Variants in EIF4E observed in about 807,000 individuals in gnomAD.
The protein encoded by EIF4E is eukaryotic translation initiation factor 4E.
For missense variants in EIF4E, 113 were observed against 265.6 expected (o/e 0.43, Z 3.99); for synonymous variants, 71 against 88.5 (o/e 0.80, Z 1.11).
intron 1 of EIF4E, among the ~76,000 whole-genome samples, chr4:98,905,727 C>T (rs151201269): frequency 2.3e-3 from 350 of 152,208 alleles, no homozygotes; most frequent in African/African-American, 7.7e-3. Context: ...TAAAAATGTT[C>T]AGTATTGTAA....
intron 1 of EIF4E, among the ~76,000 whole-genome samples, chr4:98,914,391 A>C (rs1725285438): frequency 4.7e-5 from 6 of 127,002 alleles, no homozygotes; most frequent in South Asian, 2.5e-4. Flanking sequence ...AAAAAAAAGC[A>C]CTTTTTTTTT....
rs1328731108 is a variant in EIF4E at position 98,880,814 on chromosome 4, T to A, written c.*214A>T. ...GGGATGTGTACTGTAATTCTTTGAT[T>A]GGGATAGTGGAAACTCTAGCCAAAA... On this transcript the variant is annotated 3_prime_UTR_variant, in exon 7 of 7. Transcript: ENST00000450253. The A allele has an allele frequency of 3.6e-6, 3 of 833,594 alleles. No homozygotes were observed. The highest frequency in any genetic ancestry group is 3.4e-6 in the Non-Finnish European group (2 of 591,396). The allele number at this position is 833,594 out of a possible 1,614,324, so 51.6% of individuals were successfully genotyped here.
intron 1 of EIF4E, chr4:98,909,521 C>A: frequency 1.7e-6 from 1 of 600,996 alleles, no homozygotes; most frequent in South Asian, 2.3e-5. Flanking sequence ...CAAAAAACAC[C>A]CTGTACATAA....
chr4:98,896,486 C>CAA (rs59729154), intron 2 of EIF4E, among the ~76,000 whole-genome samples: 2,954 of 38,472 alleles, frequency 0.077, 230 homozygotes, highest in Non-Finnish European at 0.096. Context: ...CCGCATCTCT[C>CAA]AAAAAAAAAA....
intron 2 of EIF4E, among the ~76,000 whole-genome samples, chr4:98,897,571 C>CA (rs972916586): frequency 6.7e-6 from 1 of 149,004 alleles, no homozygotes; most frequent in African/African-American, 2.5e-5. Context: ...GTCTTGAGAA[C>CA]AAAAAAAAAG....
At chr4:98,928,233 G>C (rs931597471) in intron 1 of EIF4E, among the ~76,000 whole-genome samples, 1 of 152,026 alleles carries the variant, frequency 6.6e-6, no homozygotes, top group Admixed American at 6.6e-5. Context: ...CAGCAGGTCC[G>C]GCCGGCAAGC....
intron 1 of EIF4E, among the ~76,000 whole-genome samples, chr4:98,903,840 A>T (rs1290555631): frequency 6.6e-6 from 1 of 152,212 alleles, no homozygotes; most frequent in African/African-American, 2.4e-5. Context: ...ATTTTTATCA[A>T]CATTTACTTA....
intron 1 of EIF4E, among the ~76,000 whole-genome samples, chr4:98,920,104 T>C (rs1725579750): frequency 4.6e-5 from 7 of 152,078 alleles, no homozygotes; most frequent in Admixed American, 4.6e-4. Context: ...AAATTGTAAT[T>C]GGGCAATTTG....
intron 1 of EIF4E, among the ~76,000 whole-genome samples, chr4:98,908,806 C>T (rs1724989193): frequency 6.6e-6 from 1 of 152,212 alleles, no homozygotes. Context: ...ATTCTCTCCA[C>T]TCTTCAGACA....
chr4:98,884,776 C>A, intron 6 of EIF4E, 146 bp downstream of exon 6: 1 of 1,027,380 alleles, frequency 9.7e-7, no homozygotes, highest in Non-Finnish European at 1.4e-6. Context: ...CCAATTGAGC[C>A]GTTCAAAATT....
At chr4:98,896,163 T>C (rs989242209) in intron 2 of EIF4E, among the ~76,000 whole-genome samples, 3 of 151,774 alleles carry the variant, frequency 2.0e-5, no homozygotes, top group Non-Finnish European at 4.4e-5. Context: ...ACCACTGCAC[T>C]CCAGCCTGGT....
chr4:98,927,429 G>C (rs1725920226), intron 1 of EIF4E, among the ~76,000 whole-genome samples: 1 of 152,060 alleles, frequency 6.6e-6, no homozygotes, highest in South Asian at 2.1e-4. Context: ...GCTGAGGCGG[G>C]AGGATCACTT....
rs557886594 is a variant in EIF4E at position 98,891,033 on chromosome 4, A to C, written c.221+204T>G. On this transcript the variant is annotated intron_variant, in intron 3 of 6. Coordinates refer to ENST00000450253, the MANE Select transcript of EIF4E (RefSeq NM_001968.5). ...GGATATCTCAGGACAAGAAACAATAATTGGGGCTGGGGGATGACAAGATTG... is the reference window on the plus strand; with the variant it reads ...GGATATCTCAGGACAAGAAACAATACTTGGGGCTGGGGGATGACAAGATTG... 1.1e-5 allele frequency: 7 copies of C among 620,116 alleles called. No homozygotes were observed. In the South Asian group the frequency reaches 1.4e-4, roughly 13 times the overall value. 38.4% of individuals were successfully genotyped at this position (620,116 alleles called of 1,614,324 possible). A position where few individuals can be genotyped will look rare whatever the true frequency, so the allele number is the denominator to read the frequency against.
At chr4:98,928,249 G>A (rs759852923) in intron 1 of EIF4E, among the ~76,000 whole-genome samples, 1 of 151,824 alleles carries the variant, frequency 6.6e-6, no homozygotes, top group Admixed American at 6.6e-5. Context: ...CAAGCCGACC[G>A]GCTACAGCGA....
rs564800684 is a variant in EIF4E, at chr4:98,909,147, C to G, written c.19-7165G>C. Among the ~76,000 whole-genome samples, 3 of 152,048 alleles carry G rather than the reference C, an allele frequency of 2.0e-5. No homozygotes were observed. The South Asian group carries it at 6.2e-4, about 32-fold the overall frequency. On this transcript the variant is annotated intron_variant, in intron 1 of 6. Coordinates refer to ENST00000450253, the MANE Select transcript of EIF4E (RefSeq NM_001968.5). Reference sequence around the variant, plus strand: ...CACCTCACCCTTCCTCCCAGACACACAAAAAAACCCACTACCAGGAAAAAA... The same window carrying G: ...CACCTCACCCTTCCTCCCAGACACAGAAAAAAACCCACTACCAGGAAAAAA...
chr4:98,919,376 T>C (rs1414535913), intron 1 of EIF4E, among the ~76,000 whole-genome samples: 2 of 150,624 alleles, frequency 1.3e-5, no homozygotes, highest in African/African-American at 4.9e-5. Flanking sequence ...ACAGAAAAAT[T>C]CTAATTCTAT....
intron 1 of EIF4E, among the ~76,000 whole-genome samples, chr4:98,921,496 G>A (rs955855702): frequency 1.3e-5 from 2 of 151,554 alleles, no homozygotes; most frequent in African/African-American, 4.9e-5. Flanking sequence ...AGTCTCCCAA[G>A]TAGCTAGGAC....
chr4:98,882,406 A>G (rs1483819375), intron 6 of EIF4E, among the ~76,000 whole-genome samples: 1 of 151,244 alleles, frequency 6.6e-6, no homozygotes, highest in African/African-American at 2.4e-5. Flanking sequence ...CAAAAAAAAA[A>G]AAAAAAAAGA....
At chr4:98,894,099 T>C (rs1724263424) in intron 2 of EIF4E, among the ~76,000 whole-genome samples, 1 of 152,220 alleles carries the variant, frequency 6.6e-6, no homozygotes, top group African/African-American at 2.4e-5. Flanking sequence ...GTTTCAACAG[T>C]AGGCTTAAAG....
Sources: gnomAD v4.1 joint callset for allele counts (sites outside exome capture counted in the v4.1 genomes callset) on GRCh38, gnomAD v4.1.1 for gene constraint, MANE v1.5 for transcripts, NCBI Gene and HGNC (gene_info 2026-07-23, HGNC 2026-07-21) for gene names.